The following IFTAP variants were observed in gnomAD, a reference collection of about 807,000 sequenced individuals.
The protein encoded by IFTAP is intraflagellar transport-associated protein.
A neutral mutation model predicts 19.4 loss-of-function variants in IFTAP; 19 were observed. That is an observed-to-expected ratio of 0.98 (90% CI 0.68 to 1.44). The LOEUF is 1.44. Ranked by LOEUF, IFTAP falls within the 40% of genes most tolerant of loss-of-function variation. The pLI is 0.00. For synonymous variants in IFTAP, 85 were observed against 83.5 expected (o/e 1.02, Z -0.10); for missense variants, 240 against 253.6 (o/e 0.95, Z 0.36).
At chr11:36,626,447 T>A (rs773191400) in intron 2 of IFTAP, among the ~76,000 whole-genome samples, 1 of 151,372 alleles carries the variant, frequency 6.6e-6, no homozygotes, top group Non-Finnish European at 1.5e-5. Flanking sequence ...GGCAGAGTGT[T>A]AAGCACATAG....
chr11:36,618,580 C>G (rs957167717), intron 2 of IFTAP, among the ~76,000 whole-genome samples: 1 of 151,524 alleles, frequency 6.6e-6, no homozygotes, highest in Admixed American at 6.6e-5. Context: ...TGAATAAATG[C>G]AGTGAAAAGA....
intron 2 of IFTAP, among the ~76,000 whole-genome samples, chr11:36,616,522 T>C (rs529132527): frequency 2.6e-5 from 4 of 152,138 alleles, no homozygotes; most frequent in Admixed American, 6.6e-5. Flanking sequence ...GCCTGTGGCT[T>C]TATAAATTGC....
chr11:36,644,524 G>T (rs1308451618), intron 4 of IFTAP, among the ~76,000 whole-genome samples: 1 of 151,938 alleles, frequency 6.6e-6, no homozygotes, highest in African/African-American at 2.4e-5. Context: ...ATTATAAATC[G>T]TGCTGCTATA....
intron 2 of IFTAP, among the ~76,000 whole-genome samples, chr11:36,629,449 G>C (rs12802803): frequency 6.6e-6 from 1 of 151,308 alleles, no homozygotes; most frequent in Non-Finnish European, 1.5e-5. Context: ...CAGACACTCC[G>C]AGGTTGCTGG....
chr11:36,612,719 G>A (rs1408577152), intron 2 of IFTAP, among the ~76,000 whole-genome samples: 1 of 152,062 alleles, frequency 6.6e-6, no homozygotes, highest in East Asian at 1.9e-4. Context: ...TCCACTGATT[G>A]ACTGTTCTAT....
At chr11:36,626,681 A>C (rs1303519713) in intron 2 of IFTAP, among the ~76,000 whole-genome samples, 2 of 151,250 alleles carry the variant, frequency 1.3e-5, no homozygotes, top group East Asian at 3.8e-4. Flanking sequence ...ATTTCATATA[A>C]ATTTGAAGAA....
intron 5 of IFTAP, among the ~76,000 whole-genome samples, chr11:36,651,718 T>G (rs893088186): frequency 5.3e-5 from 8 of 152,222 alleles, no homozygotes; most frequent in African/African-American, 1.9e-4. Context: ...CCATCTTGAA[T>G]TAATTTTTGA....
At chr11:36,640,374 T>G (rs1359239593) in intron 4 of IFTAP, among the ~76,000 whole-genome samples, 3 of 152,238 alleles carry the variant, frequency 2.0e-5, no homozygotes, top group Non-Finnish European at 4.4e-5. Context: ...AATTATTAAT[T>G]TTATTACATA....
At chr11:36,610,541 T>C (rs1378902073) in intron 2 of IFTAP, among the ~76,000 whole-genome samples, 1 of 151,686 alleles carries the variant, frequency 6.6e-6, no homozygotes, top group Non-Finnish European at 1.5e-5. Flanking sequence ...ATGCAAAGAG[T>C]GGAGGTTGTT....
intron 5 of IFTAP, among the ~76,000 whole-genome samples, chr11:36,652,932 G>C (rs1411190159): frequency 1.3e-5 from 2 of 152,014 alleles, no homozygotes; most frequent in Non-Finnish European, 2.9e-5. Context: ...GCTTCAAGCT[G>C]CTTTGTTCTG....
chr11:36,637,983 C>T (rs944148300), intron 4 of IFTAP, among the ~76,000 whole-genome samples: 2 of 151,736 alleles, frequency 1.3e-5, no homozygotes, highest in African/African-American at 4.9e-5. Flanking sequence ...CAGGTTTAAG[C>T]AATTCTCCTG....
intron 5 of IFTAP, among the ~76,000 whole-genome samples, chr11:36,654,177 C>G (rs115077067): frequency 1.3e-5 from 2 of 152,094 alleles, no homozygotes; most frequent in African/African-American, 4.8e-5. Context: ...AGAATGAAGG[C>G]GTCAATTGCT....
chr11:36,631,351 C>T (rs1426061907), intron 2 of IFTAP, among the ~76,000 whole-genome samples: 1 of 151,394 alleles, frequency 6.6e-6, no homozygotes, highest in Non-Finnish European at 1.5e-5. Flanking sequence ...TGATGCATTT[C>T]ATATTTGTGT....
intron 2 of IFTAP, 36 bp downstream of exon 2, chr11:36,610,275 GATAA>G (rs1239854779): frequency 2.6e-6 from 4 of 1,541,516 alleles, no homozygotes; most frequent in Non-Finnish European, 2.7e-6. Context: ...CAGCAATGGA[GATAA>G]ATAATTTTAT....
Position 36,625,040 on chromosome 11 carries a change from A to G in IFTAP, c.137-8244A>G, listed in dbSNP as rs139733886. Among the ~76,000 whole-genome samples the G allele has an allele frequency of 1.0e-3, 158 of 152,254 alleles. 1 individual carries two copies. The highest frequency in any genetic ancestry group is 3.5e-3 in the African/African-American group (147 of 41,564). ...ATCCTTTCTGAAATTTTTTATGTTT[A>G]TTAATATGTATATATGTATTCAGTT... On this transcript the variant is annotated intron_variant, in intron 2 of 5. Transcript: ENST00000334307.
At position 36,614,959 on chromosome 11, in the gene IFTAP, A is replaced by G. The variant is rs1343816107; in HGVS notation, c.136+4720A>G. Among the ~76,000 whole-genome samples the G allele has an allele frequency of 1.4e-4, 20 of 144,750 alleles. 2 individuals are homozygous for G. Among genetic ancestry groups the G allele is most frequent in the Non-Finnish European group, 2.9e-4 (19 of 66,366 alleles). The allele number at this position is 144,750 out of a possible 152,430, so 95.0% of individuals were successfully genotyped here. A position where few individuals can be genotyped will look rare whatever the true frequency, so the allele number is the denominator to read the frequency against. ...TTTGTCAATTTTGTCTTTTGTTGCC[A>G]TTGCTTTTGGTGTTTCAGACATGAA... On this transcript the variant is annotated intron_variant, in intron 2 of 5. Coordinates refer to ENST00000334307, the MANE Select transcript of IFTAP (RefSeq NM_138787.4).
intron 2 of IFTAP, among the ~76,000 whole-genome samples, chr11:36,619,543 A>G (rs1565013495): frequency 6.6e-6 from 1 of 152,074 alleles, no homozygotes; most frequent in African/African-American, 2.4e-5. Flanking sequence ...GCTTTCTCTC[A>G]TAAAAGAAAA....
chr11:36,642,537 T>G (rs951079201), intron 4 of IFTAP, among the ~76,000 whole-genome samples: 1 of 152,124 alleles, frequency 6.6e-6, no homozygotes, highest in African/African-American at 2.4e-5. Flanking sequence ...TACCAAAGCC[T>G]GGCAGAGACA....
At chr11:36,656,177 C>T (rs1311896565) in intron 5 of IFTAP, among the ~76,000 whole-genome samples, 3 of 152,108 alleles carry the variant, frequency 2.0e-5, no homozygotes, top group Admixed American at 1.3e-4. Context: ...GTCCGAAATA[C>T]AGGCCTTACT....
Sources: allele counts gnomAD v4.1 joint callset (sites outside exome capture counted in the v4.1 genomes callset), GRCh38; gene constraint gnomAD v4.1.1; transcripts MANE v1.5; gene names NCBI Gene and HGNC (gene_info 2026-07-23, HGNC 2026-07-21).